Variants in PRKCI observed in about 807,000 individuals in gnomAD.
The protein encoded by PRKCI is protein kinase C iota type.
Under a neutral mutation model 84.0 loss-of-function variants are expected in PRKCI, and 43 were observed. That is an observed-to-expected ratio of 0.51 (90% confidence interval 0.40 to 0.66). The LOEUF is 0.66. Ranked by LOEUF, PRKCI falls within the 30% of genes least tolerant of loss-of-function variation. PRKCI has a pLI of 0.00. For missense variants in PRKCI, 459 were observed against 745.6 expected, an observed-to-expected ratio of 0.62 and a Z score of 4.48; for synonymous variants, 216 against 234.4, an observed-to-expected ratio of 0.92 and a Z score of 0.72.
chr3:170,302,645 T>C (rs527879375), intron 17 of PRKCI, among the ~76,000 whole-genome samples: 32 of 152,300 alleles, frequency 2.1e-4, no homozygotes, highest in African/African-American at 7.5e-4. Flanking sequence ...TTTGGCTAAC[T>C]TCTTCTGGGC....
chr3:170,272,454 T>C (rs1734027199), intron 6 of PRKCI, among the ~76,000 whole-genome samples: 1 of 152,196 alleles, frequency 6.6e-6, no homozygotes, highest in Non-Finnish European at 1.5e-5. Context: ...AATGGGTTTG[T>C]AGTAAAGGGG....
In PRKCI at chr3:170,235,958, T is replaced by TA. The variant is rs531771468; in HGVS notation, c.223+607_223+608insA. On this transcript the variant is annotated intron_variant, in intron 2 of 17. Transcript: ENST00000295797. ...TTTTTCTTTGAATTAAATTTTTTTT[T>TA]TTTATTTTTTAAAGACAGGGTCTTG... Among the ~76,000 whole-genome samples, 9 of 152,110 alleles carry TA rather than the reference T, an allele frequency of 5.9e-5. 1 individual carries two copies. The South Asian group carries it at 6.2e-4, about 11-fold the overall frequency.
chr3:170,237,997 T>A (rs1442782138), intron 2 of PRKCI, among the ~76,000 whole-genome samples: 1 of 152,154 alleles, frequency 6.6e-6, no homozygotes, highest in African/African-American at 2.4e-5. Context: ...CAGCTGATAT[T>A]TTGCAGACCT....
chr3:170,248,796 A>G (rs80117368), intron 2 of PRKCI, among the ~76,000 whole-genome samples: 2,956 of 152,146 alleles, frequency 0.019, 44 homozygotes, highest in East Asian at 0.085. Context: ...GGCCTGATAA[A>G]AAGATGATGT....
chr3:170,271,771 G>A (rs1244895190), intron 6 of PRKCI, among the ~76,000 whole-genome samples: 3 of 152,146 alleles, frequency 2.0e-5, no homozygotes, highest in Non-Finnish European at 2.9e-5. Flanking sequence ...TTGGTGGATT[G>A]TTTTTGAGTC....
chr3:170,243,197 G>A (rs977281510), intron 2 of PRKCI, among the ~76,000 whole-genome samples: 1 of 152,132 alleles, frequency 6.6e-6, no homozygotes, highest in African/African-American at 2.4e-5. Flanking sequence ...ATGTTTCCTT[G>A]TGCTAAGCAG....
chr3:170,289,888 G>A (rs572463360), intron 12 of PRKCI, among the ~76,000 whole-genome samples: 11 of 151,738 alleles, frequency 7.2e-5, no homozygotes, highest in Middle Eastern at 3.4e-3. Context: ...CTCCAGCCTG[G>A]GTAACGAGCG....
chr3:170,275,901 G>A (rs1392288328), intron 8 of PRKCI, among the ~76,000 whole-genome samples: 1 of 146,684 alleles, frequency 6.8e-6, no homozygotes, highest in Admixed American at 6.8e-5. Context: ...GAAAGATTTA[G>A]TTCACACTGC....
chr3:170,222,602 TC>T lies in PRKCI; in HGVS notation c.-63del. 3 of 1,323,538 alleles carry T rather than the reference TC, an allele frequency of 2.3e-6. No individual in the cohort carries two copies. The South Asian group carries it at 4.4e-5, about 19-fold the overall frequency. 82.0% of individuals were successfully genotyped at this position (1,323,538 alleles called of 1,614,324 possible). ...TCTCCGGCAAGCGCAGGCGGCGGAGTCCCCCACGGCGCCCGAAGCGCCCCCC... is the reference window on the plus strand; with the variant it reads ...TCTCCGGCAAGCGCAGGCGGCGGAGTCCCCACGGCGCCCGAAGCGCCCCCC... On this transcript the variant is annotated 5_prime_UTR_variant, in exon 1 of 18. Transcript: ENST00000295797.
At chr3:170,266,468 A>G (rs1577358902) in intron 4 of PRKCI, among the ~76,000 whole-genome samples, 1 of 152,214 alleles carries the variant, frequency 6.6e-6, no homozygotes. Context: ...TGCCAAAGGT[A>G]TTTAATACTG....
At chr3:170,268,479 C>CAAAAA (rs77046182) in intron 5 of PRKCI, among the ~76,000 whole-genome samples, 1,412 of 66,614 alleles carry the variant, frequency 0.021, 38 homozygotes, top group African/African-American at 0.061. Context: ...GACTCAGTTT[C>CAAAAA]AAAAAAAAAA....
At chr3:170,225,168 T>C (rs1050211619) in intron 1 of PRKCI, among the ~76,000 whole-genome samples, 1 of 152,342 alleles carries the variant, frequency 6.6e-6, no homozygotes, top group Admixed American at 6.5e-5. Flanking sequence ...GCAAATAACC[T>C]CTTGCCCATT....
intron 15 of PRKCI, 73 bp downstream of exon 15, chr3:170,296,063 G>T (rs1258779587): frequency 5.8e-6 from 5 of 858,748 alleles, no homozygotes; most frequent in Admixed American, 5.8e-5. Flanking sequence ...GTAGCGGTTT[G>T]GGAAATGTAA....
intron 12 of PRKCI, among the ~76,000 whole-genome samples, chr3:170,289,208 A>T (rs150435332): frequency 2.0e-5 from 3 of 152,332 alleles, no homozygotes; most frequent in African/African-American, 7.2e-5. Flanking sequence ...GTCATTTTTC[A>T]TGAGAATGTA....
chr3:170,223,245 T>C (rs536025818), intron 1 of PRKCI, among the ~76,000 whole-genome samples: 59 of 152,324 alleles, frequency 3.9e-4, no homozygotes, highest in Non-Finnish European at 2.6e-4. Context: ...CTCTGAGATA[T>C]ACCTCCATCC....
At chr3:170,248,459 C>G (rs75404158) in intron 2 of PRKCI, among the ~76,000 whole-genome samples, 1 of 152,086 alleles carries the variant, frequency 6.6e-6, no homozygotes, top group African/African-American at 2.4e-5. Context: ...TGGATGTATT[C>G]CTGCTCTAGG....
At chr3:170,264,290 T>C (rs1733806197) in intron 4 of PRKCI, among the ~76,000 whole-genome samples, 1 of 152,078 alleles carries the variant, frequency 6.6e-6, no homozygotes, top group Non-Finnish European at 1.5e-5. Context: ...TTTGTTGTTG[T>C]TGTTTTTGAG....
chr3:170,270,682 G>A, intron 6 of PRKCI, 121 bp downstream of exon 6: 1 of 1,230,294 alleles, frequency 8.1e-7, no homozygotes, highest in Admixed American at 2.8e-5. Context: ...TAGCTACAGA[G>A]TATGGGGAGG....
chr3:170,242,085 G>A (rs1220351862), intron 2 of PRKCI, among the ~76,000 whole-genome samples: 2 of 152,144 alleles, frequency 1.3e-5, no homozygotes, highest in African/African-American at 4.8e-5. Flanking sequence ...CTCTAGCCTG[G>A]GCAACAATAG....
Sources: gnomAD v4.1 joint callset for allele counts (sites outside exome capture counted in the v4.1 genomes callset) on GRCh38, gnomAD v4.1.1 for gene constraint, MANE v1.5 for transcripts, NCBI Gene and HGNC (gene_info 2026-07-23, HGNC 2026-07-21) for gene names.